The following PHC2 variants were observed in gnomAD, a reference collection of about 807,000 sequenced individuals.
PHC2 encodes polyhomeotic-like protein 2.
Under a neutral mutation model 87.4 loss-of-function variants are expected in PHC2, and 29 were observed. The ratio of observed to expected loss-of-function variants is 0.33; its 90% CI spans 0.25 to 0.45. The LOEUF (loss-of-function observed/expected upper bound fraction) is 0.45, where lower values mean the gene tolerates loss of function less well. Among genes scored for constraint, PHC2 ranks in the 20% least tolerant of loss-of-function variants. The pLI, the probability that PHC2 is intolerant of heterozygous loss-of-function variation, is 1.00. For synonymous variants in PHC2, 438 were observed against 461.7 expected (o/e 0.95, Z 0.66); for missense variants, 857 against 1,136.7 (o/e 0.75, Z 3.54).
chr1:33,362,994 G>GGTA (rs1647237539), intron 7 of PHC2: 1 of 152,242 alleles, frequency 6.6e-6, no homozygotes, highest in Admixed American at 6.5e-5. Context: ...GATTAAGTGA[G>GGTA]ATATGTAGGT....
At chr1:33,405,344 C>A (rs904421080) in intron 1 of PHC2, among the ~76,000 whole-genome samples, 1 of 152,084 alleles carries the variant, frequency 6.6e-6, no homozygotes, top group East Asian at 1.9e-4. Flanking sequence ...GTATGTACCA[C>A]CACGCCTGGC....
chr1:33,363,786 G>A lies in PHC2; in HGVS notation c.976+3330C>T, dbSNP rs1270109648. 18 of 985,360 alleles carry A rather than the reference G, an allele frequency of 1.8e-5. 1 individual carries two copies. The South Asian group carries it at 7.5e-4, about 41-fold the overall frequency. The allele number at this position is 985,360 out of a possible 1,614,324, so 61.0% of individuals were successfully genotyped here. ...CCTGGAGTTTATCCACTAGAATGAGGACTCCAAGAACCAAGTCTCCTATCT... is the reference window on the plus strand; with the variant it reads ...CCTGGAGTTTATCCACTAGAATGAGAACTCCAAGAACCAAGTCTCCTATCT... On this transcript the variant is annotated intron_variant, in intron 7 of 14. Transcript: ENST00000683057.
chr1:33,398,466 C>T lies in PHC2; in HGVS notation c.-54-22873G>A, dbSNP rs531158109. 7.2e-5 allele frequency among the ~76,000 whole-genome samples: 11 copies of T among 152,246 alleles called. No individual in the cohort carries two copies. In the South Asian group the frequency reaches 2.3e-3, roughly 32 times the overall value. On this transcript the variant is annotated intron_variant, in intron 1 of 14. Transcript: ENST00000683057. ...ATAGCTTAGCTGGGAGGATAGATAC[C>T]AAATGTTAACAATGGCTGCTTTGGG...
rs140593933 is a variant in PHC2, at chr1:33,382,235, C to T, written c.-54-6642G>A. Among the ~76,000 whole-genome samples, 126 of 152,208 alleles carry T rather than the reference C, an allele frequency of 8.3e-4. No homozygotes were observed. The highest frequency in any genetic ancestry group is 6.8e-3 in the Middle Eastern group (2 of 292). Reference sequence around the variant, plus strand: ...TATCTCCCCCTTCACACCTTCCTTCCGCTCAAAGTTCTGGCTGCTGGAGAG... The same window carrying T: ...TATCTCCCCCTTCACACCTTCCTTCTGCTCAAAGTTCTGGCTGCTGGAGAG... On this transcript the variant is annotated intron_variant, in intron 1 of 14. Transcript: ENST00000683057. This position sits in a 1 kb window ranked among gnomAD's most constrained non-coding sequence, Gnocchi z 4.3.
chr1:33,375,336 G>T lies in PHC2; in HGVS notation c.174+30C>A, dbSNP rs752318062. On this transcript the variant is annotated intron_variant, in intron 2 of 14. Transcript: ENST00000683057. ...TGCTAGCCCTGGAGATGATTAAGGAGTATAATTCCCAGATCAATTAGACTC... is the reference window on the plus strand; with the variant it reads ...TGCTAGCCCTGGAGATGATTAAGGATTATAATTCCCAGATCAATTAGACTC... The T allele has an allele frequency of 5.1e-5, 77 of 1,496,366 alleles. 1 individual carries two copies. The highest frequency in any genetic ancestry group is 5.3e-5 in the Non-Finnish European group (59 of 1,111,408). 92.7% of individuals were successfully genotyped at this position (1,496,366 alleles called of 1,614,324 possible). A position where few individuals can be genotyped will look rare whatever the true frequency, so the allele number is the denominator to read the frequency against.
At chr1:33,406,708 T>C (rs1649778896) in intron 1 of PHC2, among the ~76,000 whole-genome samples, 1 of 152,190 alleles carries the variant, frequency 6.6e-6, no homozygotes, top group African/African-American at 2.4e-5. Flanking sequence ...ATGCCTTTAA[T>C]TTTCCTTCTG....
chr1:33,367,539 T>G (rs1320859108), intron 6 of PHC2, 111 bp from the exon 7 acceptor site: 1 of 849,734 alleles, frequency 1.2e-6, no homozygotes, highest in Non-Finnish European at 1.8e-6. Context: ...GAACAGGAGG[T>G]TGTCAAATCA....
chr1:33,420,167 C>G (rs901488998), intron 1 of PHC2, among the ~76,000 whole-genome samples: 1 of 152,218 alleles, frequency 6.6e-6, no homozygotes, highest in Admixed American at 6.5e-5. Context: ...TTAGCTCTCT[C>G]TACAACAAAC....
intron 14 of PHC2, chr1:33,325,807 T>G (rs1254996160): frequency 2.3e-6 from 1 of 442,458 alleles, no homozygotes; most frequent in Non-Finnish European, 4.5e-6. Flanking sequence ...GGAAAAGGAG[T>G]GCTGACATCA....
chr1:33,399,978 T>C (rs1649454005), intron 1 of PHC2, among the ~76,000 whole-genome samples: 1 of 151,958 alleles, frequency 6.6e-6, no homozygotes, highest in East Asian at 1.9e-4. Flanking sequence ...GAGAGAGATA[T>C]AACTTAGTAG....
At chr1:33,415,550 T>C (rs1226870147) in intron 1 of PHC2, among the ~76,000 whole-genome samples, 1 of 152,112 alleles carries the variant, frequency 6.6e-6, no homozygotes, top group Non-Finnish European at 1.5e-5. Context: ...CCAACACTAA[T>C]TAAAGAAATA....
Position 33,354,964 on chromosome 1 carries a change from C to A in PHC2, c.1266G>T (p.Gln422His). ...ANLHKPGGSQ[Q>H]CHPPTPDTGP... ...CAGTATCAGGTGTGGGAGGGTGACA[C>A]TGCTGACTGCCGCCAGGCTTGTGCA... Residue 422 changes from glutamine to histidine, a missense_variant, in exon 8 of 15, where the codon CAG becomes CAT. Gln to His is a conservative substitution (Grantham distance 24, BLOSUM62 0). Coordinates refer to ENST00000683057, the MANE Select transcript of PHC2 (RefSeq NM_001385109.1). 1 of 1,614,230 alleles carries A rather than the reference C, an allele frequency of 6.2e-7. No homozygotes were observed. The highest frequency in any genetic ancestry group is 8.5e-7 in the Non-Finnish European group (1 of 1,180,054).
At position 33,332,354 on chromosome 1, in the gene PHC2, C is replaced by G. The variant is rs776624702; in HGVS notation, c.1812G>C (p.Gln604His). The change falls in exon 11 of 15, where the codon CAG becomes CAC. Residue 604 changes from glutamine (Q) to histidine (H), a missense_variant. Gln to His is a conservative substitution (Grantham distance 24). Transcript: ENST00000683057. This position sits in a 1 kb window ranked among gnomAD's most constrained non-coding sequence, Gnocchi z 4.2. ...LVGNLKKKYA[Q>H]GFLPEKLPQQ... is the part of the protein sequence containing the mutation. ...GTGGAAGTTTCTCAGGCAGGAACCC[C>G]TGTGCATACTTCTTCTTGAGATTCC... is the stretch of plus-strand genomic sequence containing the variant. 18 of 1,614,068 alleles carry G rather than the reference C, an allele frequency of 1.1e-5. No homozygotes were observed. The South Asian group carries it at 1.5e-4, about 14-fold the overall frequency.
rs1646494725 is a variant in PHC2, at chr1:33,331,419, G to A, written c.1935C>T (p.Leu645=). Residue 645 remains leucine, a synonymous_variant, in exon 12 of 15, where the codon CTC becomes CTT. Transcript: ENST00000683057. The surrounding 1 kb of genome is among the most constrained non-coding windows in gnomAD (Gnocchi z 5.2). ...TATAGGCAAAGTCCACCCGGCCACA[G>A]AGCTCACACTTGAGTTTGAGGGGAG... ...EGAPLKLKCE[L]CGRVDFAYKF... 6.2e-7 allele frequency: 1 copy of A among 1,612,954 alleles called. No homozygotes were observed. Among genetic ancestry groups the A allele is most frequent in the Middle Eastern group, 1.7e-4 (1 of 5,846 alleles).
At chr1:33,371,205 T>C in intron 3 of PHC2, 111 bp from the exon 4 acceptor site, 1 of 842,944 alleles carries the variant, frequency 1.2e-6, no homozygotes, top group East Asian at 2.5e-5. Context: ...CAACAGCCTC[T>C]GGAGGTCAGC....
chr1:33,384,359 G>A (rs1288016251), intron 1 of PHC2, among the ~76,000 whole-genome samples: 1 of 152,184 alleles, frequency 6.6e-6, no homozygotes, highest in Non-Finnish European at 1.5e-5. Flanking sequence ...AGATTTAAAA[G>A]GGGCAGTCAT....
chr1:33,329,114 A>G lies in PHC2; in HGVS notation c.2181T>C (p.Ala727=). The G allele has an allele frequency of 6.2e-7, 1 of 1,614,162 alleles. No individual in the cohort carries two copies. The highest frequency in any genetic ancestry group is 8.5e-7 in the Non-Finnish European group (1 of 1,180,016). The part of the protein sequence containing the change: ...PTGTVPLSVT[A]ALQLTHSQED... ...CCTGGCTGTGTGTTAGCTGCAAAGCAGCAGTAACCGAAAGGGGCACAGTGC... is the reference window on the plus strand; with the variant it reads ...CCTGGCTGTGTGTTAGCTGCAAAGCGGCAGTAACCGAAAGGGGCACAGTGC... Residue 727 remains alanine, a synonymous_variant, in exon 14 of 15, where the codon GCT becomes GCC. Coordinates refer to ENST00000683057, the MANE Select transcript of PHC2 (RefSeq NM_001385109.1).
intron 7 of PHC2, chr1:33,363,779 G>A: frequency 4.1e-6 from 4 of 985,348 alleles, no homozygotes; most frequent in Non-Finnish European, 3.6e-6. Context: ...TTATCCACTA[G>A]AATGAGGACT....
chr1:33,365,442 G>A (rs1557835110), intron 7 of PHC2, among the ~76,000 whole-genome samples: 2 of 152,310 alleles, frequency 1.3e-5, no homozygotes, highest in East Asian at 1.9e-4. Context: ...GCCTGGGCTG[G>A]AAGGGGGTTC....
Sources: gnomAD v4.1 joint callset for allele counts (sites outside exome capture counted in the v4.1 genomes callset) on GRCh38, gnomAD v4.1.1 for gene constraint, Gnocchi (gnomAD v3.1) non-coding constraint, MANE v1.5 for transcripts, NCBI Gene and HGNC (gene_info 2026-07-23, HGNC 2026-07-21) for gene names.